Variants in HMCN2 observed in about 807,000 individuals in gnomAD.
HMCN2 encodes hemicentin-2.
A neutral mutation model predicts 377.5 loss-of-function variants in HMCN2; 325 were observed. The observed-to-expected ratio is 0.86, with a 90% confidence interval of 0.79 to 0.94. The LOEUF is 0.94. HMCN2 is among the 40% of genes least tolerant of loss of function. The pLI is 0.00. For synonymous variants in HMCN2, 2,007 were observed against 2,046.8 expected (o/e 0.98, Z 0.53); for missense variants, 4,543 against 4,725.3 (o/e 0.96, Z 1.13).
At chr9:130,433,224 G>A (rs1473830774) in intron 97 of HMCN2, 124 bp from the exon 98 acceptor site, 5 of 714,274 alleles carry the variant, frequency 7.0e-6, no homozygotes, top group Non-Finnish European at 8.4e-6. Context: ...GGCTCTGCGG[G>A]AGAAGGACGG....
rs1844080621 is a variant in HMCN2 at position 130,422,567 on chromosome 9, T to C, written c.13232-10T>C. ...GTCAGTGGCACTGTCATTCTTTCCC[T>C]TCCTTACAGGGGAGCCCCAGGGGAG... On this transcript the variant is annotated splice_polypyrimidine_tract_variant and intron_variant, in intron 86 of 97. Transcript: ENST00000683500. This position sits in a 1 kb window ranked among gnomAD's most constrained non-coding sequence, Gnocchi z 4.2. 2.3e-6 allele frequency: 3 copies of C among 1,316,528 alleles called. No homozygotes were observed. Among genetic ancestry groups the C allele is most frequent in the African/African-American group, 3.1e-5 (2 of 65,066 alleles). 81.6% of individuals were successfully genotyped at this position (1,316,528 alleles called of 1,614,324 possible).
intron 11 of HMCN2, 124 bp from the exon 12 acceptor site, chr9:130,306,005 G>T: frequency 2.5e-6 from 1 of 403,932 alleles, no homozygotes; most frequent in South Asian, 1.9e-5. Flanking sequence ...GCCCTCTGGG[G>T]TCTTTGCTTT....
intron 4 of HMCN2, among the ~76,000 whole-genome samples, chr9:130,292,956 C>CTCTG (rs1554930505): frequency 3.5e-5 from 5 of 144,786 alleles, no homozygotes; most frequent in African/African-American, 1.3e-4. Flanking sequence ...GGATCAATTG[C>CTCTG]TCTATCTATC....
intron 18 of HMCN2, among the ~76,000 whole-genome samples, chr9:130,321,142 T>C: frequency 6.6e-6 from 1 of 152,326 alleles, no homozygotes; most frequent in South Asian, 2.1e-4. Flanking sequence ...CTGGGAGCTC[T>C]GCAGGGCAAT....
chr9:130,361,412 G>A lies in HMCN2; in HGVS notation c.5951-596G>A, dbSNP rs905180194. ...ATTTGAGAAACTGAAAGGAGGCCAC[G>A]GGGCCTGGGATTTACAACACTGAGA... On this transcript the variant is annotated intron_variant, in intron 38 of 97. Transcript: ENST00000683500. The surrounding 1 kb of genome is among the most constrained non-coding windows in gnomAD (Gnocchi z 4.8). Among the ~76,000 whole-genome samples, 1 of 152,224 alleles carries A rather than the reference G, an allele frequency of 6.6e-6. No homozygotes were observed. Among genetic ancestry groups the A allele is most frequent in the Admixed American group, 6.5e-5 (1 of 15,290 alleles).
chr9:130,362,628 G>A (rs1026588518), intron 39 of HMCN2, among the ~76,000 whole-genome samples: 1 of 152,234 alleles, frequency 6.6e-6, no homozygotes, highest in Non-Finnish European at 1.5e-5. Context: ...CATGTGTGGC[G>A]AGTGGACAGA....
In HMCN2 at chr9:130,373,079, A is replaced by G. The variant is rs1407030444; in HGVS notation, c.7393A>G (p.Lys2465Glu). ...GAACGAGGACTTGGAGGAGGTGATC[A>G]AGGTCCTTGATGGACAGACTGCCCA... ...IENEDLEEVIKVLDGQTAHLM... is the reference protein window; with the variant it reads ...IENEDLEEVIEVLDGQTAHLM... Residue 2465 changes from lysine (K) to glutamate (E), a missense_variant, in exon 48 of 98, where the codon AAG becomes GAG. By Grantham distance (56) the Lys-to-Glu change is moderately conservative. Transcript: ENST00000683500. 3.1e-6 allele frequency: 3 copies of G among 976,152 alleles called. No individual in the cohort carries two copies. In the African/African-American group the frequency reaches 5.4e-5, roughly 18 times the overall value. The allele number at this position is 976,152 out of a possible 1,614,324, so 60.5% of individuals were successfully genotyped here.
chr9:130,358,988 G>T (rs1307020744), intron 36 of HMCN2, among the ~76,000 whole-genome samples: 2 of 152,154 alleles, frequency 1.3e-5, no homozygotes, highest in Non-Finnish European at 2.9e-5. Flanking sequence ...GGAAGACCTT[G>T]CCCACATTCA....
chr9:130,277,188 C>A (rs1307914625), intron 1 of HMCN2, among the ~76,000 whole-genome samples: 1 of 152,248 alleles, frequency 6.6e-6, no homozygotes, highest in Non-Finnish European at 1.5e-5. Flanking sequence ...GTGGAAAAAA[C>A]CCCGCCTGTG....
chr9:130,373,707 AGATGGATG>A (rs942219791), intron 48 of HMCN2, among the ~76,000 whole-genome samples: 1 of 115,354 alleles, frequency 8.7e-6, no homozygotes, highest in African/African-American at 3.2e-5. Context: ...ATGGATAGGT[AGATGGATG>A]GATGGATGGA....
In HMCN2 at chr9:130,385,646, A is replaced by T. The variant is rs1195651749; in HGVS notation, c.9193A>T (p.Thr3065Ser). 1 of 1,304,114 alleles carries T rather than the reference A, an allele frequency of 7.7e-7. No homozygotes were observed. The highest frequency in any genetic ancestry group is 2.3e-5 in the Admixed American group (1 of 43,552). 80.8% of individuals were successfully genotyped at this position (1,304,114 alleles called of 1,614,324 possible). A position where few individuals can be genotyped will look rare whatever the true frequency, so the allele number is the denominator to read the frequency against. ...VGDKAVLSCE[T>S]DALPEPTVTW... ...GGACAAAGCTGTCCTGAGCTGCGAG[A>T]CAGATGCGCTCCCTGAGCCAACTGT... The change falls in exon 60 of 98, where the codon ACA becomes TCA. Residue 3065 changes from threonine to serine, a missense_variant. Physicochemically the swap from Thr to Ser is moderately conservative, Grantham distance 58. Transcript: ENST00000683500.
chr9:130,367,004 G>T (rs1217434452), intron 43 of HMCN2, among the ~76,000 whole-genome samples: 1 of 152,094 alleles, frequency 6.6e-6, no homozygotes, highest in Non-Finnish European at 1.5e-5. Flanking sequence ...TCGACCAAGC[G>T]GACTTGAAAA....
At position 130,295,686 on chromosome 9, in the gene HMCN2, G is replaced by A. The variant is rs782725593; in HGVS notation, c.805G>A (p.Glu269Lys). The A allele has an allele frequency of 7.4e-5, 35 of 470,918 alleles. No individual in the cohort carries two copies. Among genetic ancestry groups the A allele is most frequent in the Non-Finnish European group, 1.1e-4 (24 of 227,020 alleles). 29.2% of individuals were successfully genotyped at this position (470,918 alleles called of 1,614,324 possible). A position where few individuals can be genotyped will look rare whatever the true frequency, so the allele number is the denominator to read the frequency against. The change falls in exon 6 of 98, where the codon GAG becomes AAG. Residue 269 changes from glutamate to lysine, a missense_variant. By Grantham distance (56) the Glu-to-Lys change is moderately conservative (BLOSUM62 1). This residue lies in a region of HMCN2 where 547 missense variants were observed against 189.9 expected (regional missense o/e 2.88). Coordinates refer to ENST00000683500, the MANE Select transcript of HMCN2 (RefSeq NM_001291815.2). ...CACAGGGAGGATCCTGCAGGAGGACGAGGGCCTCAACGTGCTTCTCAACAT... is the reference window on the plus strand; with the variant it reads ...CACAGGGAGGATCCTGCAGGAGGACAAGGGCCTCAACGTGCTTCTCAACAT... ...DPLGRILQED[E>K]GLNVLLNIPD... is the part of the protein sequence containing the mutation.
chr9:130,387,142 A>G (rs1842065944), intron 61 of HMCN2, among the ~76,000 whole-genome samples: 1 of 152,248 alleles, frequency 6.6e-6, no homozygotes, highest in Admixed American at 6.5e-5. Flanking sequence ...AGGATGGAGC[A>G]CAGATGCTGT....
chr9:130,388,240 G>A (rs1411608502), intron 61 of HMCN2, among the ~76,000 whole-genome samples, 169 bp from the exon 62 acceptor site: 2 of 152,194 alleles, frequency 1.3e-5, no homozygotes, highest in Non-Finnish European at 2.9e-5. Flanking sequence ...GCTTTGCTTT[G>A]TATGCTTTAA....
chr9:130,313,012 T>G (rs1319159042), intron 15 of HMCN2, among the ~76,000 whole-genome samples: 2 of 152,178 alleles, frequency 1.3e-5, no homozygotes, highest in Non-Finnish European at 2.9e-5. Flanking sequence ...GACCTGTTCC[T>G]TCGCCTGTCT....
At chr9:130,350,226 CTT>C (rs1839627580) in intron 29 of HMCN2, among the ~76,000 whole-genome samples, 1 of 150,086 alleles carries the variant, frequency 6.7e-6, no homozygotes, top group Non-Finnish European at 1.5e-5. Flanking sequence ...TTTAAACTCA[CTT>C]TTTCTCTAAG....
intron 6 of HMCN2, among the ~76,000 whole-genome samples, chr9:130,295,981 G>A (rs1836127601): frequency 6.6e-6 from 1 of 152,204 alleles, no homozygotes; most frequent in Admixed American, 6.5e-5. Flanking sequence ...AGTGGTTTGG[G>A]GTTACTTTGG....
chr9:130,433,575 T>C lies in HMCN2; in HGVS notation c.15122T>C (p.Val5041Ala). The change falls in exon 98 of 98, where the codon GTC becomes GCC. Residue 5041 changes from valine (V) to alanine (A), a missense_variant. Coordinates refer to ENST00000683500, the MANE Select transcript of HMCN2 (RefSeq NM_001291815.2). ...LRPLRAGLGA[V>A]YTRRALTRAG... ...CCGCTGCGCGCGGGCCTTGGCGCGG[T>C]CTACACCCGTCGCGCGCTCACCCGC... 6.6e-7 allele frequency: 1 copy of C among 1,506,000 alleles called. No individual in the cohort carries two copies. The highest frequency in any genetic ancestry group is 8.8e-7 in the Non-Finnish European group (1 of 1,130,562). 93.3% of individuals were successfully genotyped at this position (1,506,000 alleles called of 1,614,324 possible).
Sources: gnomAD v4.1 joint callset for allele counts (sites outside exome capture counted in the v4.1 genomes callset) on GRCh38, gnomAD v4.1.1 for gene constraint, gnomAD v4.1.1 regional missense constraint, Gnocchi (gnomAD v3.1) non-coding constraint, MANE v1.5 for transcripts, NCBI Gene and HGNC (gene_info 2026-07-23, HGNC 2026-07-21) for gene names.